The following SDCCAG8 variants were observed in gnomAD, a reference collection of about 807,000 sequenced individuals.
SDCCAG8 encodes the protein SHH signaling and ciliogenesis regulator SDCCAG8.
Under a neutral mutation model 101.8 loss-of-function variants are expected in SDCCAG8, and 74 were observed. The observed-to-expected ratio is 0.73, with a 90% CI of 0.60 to 0.88. SDCCAG8 has a LOEUF of 0.88. Among genes scored for constraint, SDCCAG8 ranks in the 40% least tolerant of loss-of-function variants. The pLI, the probability that SDCCAG8 is intolerant of heterozygous loss-of-function variation, is 0.00. For missense variants in SDCCAG8, 787 were observed against 822.6 expected (o/e 0.96, Z 0.53); for synonymous variants, 281 against 292.9 (o/e 0.96, Z 0.41).
At chr1:243,497,870 TGA>T (rs1193864632) in intron 17 of SDCCAG8, among the ~76,000 whole-genome samples, 2 of 152,104 alleles carry the variant, frequency 1.3e-5, no homozygotes, top group African/African-American at 4.8e-5. Context: ...TTTGTAGAGA[TGA>T]GGTCTCACTA....
At chr1:243,324,849 T>G (rs941327874) in intron 9 of SDCCAG8, among the ~76,000 whole-genome samples, 2 of 152,196 alleles carry the variant, frequency 1.3e-5, no homozygotes, top group Non-Finnish European at 2.9e-5. Context: ...TTCACTCTAC[T>G]CTTTCATGTC....
At chr1:243,364,085 G>A (rs1054740120) in intron 12 of SDCCAG8, among the ~76,000 whole-genome samples, 1 of 152,056 alleles carries the variant, frequency 6.6e-6, no homozygotes, top group Admixed American at 6.6e-5. Flanking sequence ...GTGAGATCAC[G>A]TACACCATGT....
chr1:243,417,242 G>GC (rs2080654330), intron 14 of SDCCAG8, among the ~76,000 whole-genome samples: 1 of 152,050 alleles, frequency 6.6e-6, no homozygotes, highest in Non-Finnish European at 1.5e-5. Flanking sequence ...TATTGTTTTT[G>GC]CCCCCACTGC....
intron 13 of SDCCAG8, among the ~76,000 whole-genome samples, chr1:243,409,419 C>T (rs2080011682): frequency 6.6e-6 from 1 of 152,140 alleles, no homozygotes; most frequent in South Asian, 2.1e-4. Flanking sequence ...CATTTATACA[C>T]TTACATGTAT....
rs2076515854 is a variant in SDCCAG8, at chr1:243,358,463, A to C, written c.1473+14132A>C. ...GTAATAAAAAAGACAGATAATAACA[A>C]GTGTCGGTGAGGATGTAGAGAAACT... On this transcript the variant is annotated intron_variant, in intron 12 of 17. Coordinates refer to ENST00000366541, the MANE Select transcript of SDCCAG8 (RefSeq NM_006642.5). Among the ~76,000 whole-genome samples the C allele has an allele frequency of 2.0e-5, 3 of 152,216 alleles. No individual in the cohort carries two copies. In the South Asian group the frequency reaches 6.2e-4, roughly 31 times the overall value.
At chr1:243,438,716 G>A (rs981934492) in intron 16 of SDCCAG8, among the ~76,000 whole-genome samples, 6 of 152,196 alleles carry the variant, frequency 3.9e-5, no homozygotes, top group Admixed American at 3.9e-4. Context: ...ACATTTCTGT[G>A]ATGTTAGCGT....
intron 12 of SDCCAG8, among the ~76,000 whole-genome samples, chr1:243,369,725 G>A (rs111385217): frequency 0.012 from 1,764 of 152,196 alleles, 32 homozygotes; most frequent in African/African-American, 0.038. Flanking sequence ...TTAACATTGT[G>A]ATTGATGGCT....
intron 13 of SDCCAG8, among the ~76,000 whole-genome samples, chr1:243,395,397 C>A (rs1377356180): frequency 6.6e-6 from 1 of 152,084 alleles, no homozygotes; most frequent in East Asian, 1.9e-4. Flanking sequence ...GGAAAAATAT[C>A]CAGAAAAGCA....
At chr1:243,308,215 A>T in intron 8 of SDCCAG8, 38 bp downstream of exon 8, 1 of 1,608,660 alleles carries the variant, frequency 6.2e-7, no homozygotes, top group Non-Finnish European at 8.5e-7. Flanking sequence ...CTTTGGCAAT[A>T]TGGAAAATTC....
chr1:243,435,739 T>C (rs1476797914), intron 16 of SDCCAG8, among the ~76,000 whole-genome samples: 2 of 81,596 alleles, frequency 2.5e-5, no homozygotes, highest in Non-Finnish European at 4.8e-5. Context: ...AACATGTGAA[T>C]GTGTGTGTGT....
intron 4 of SDCCAG8, among the ~76,000 whole-genome samples, chr1:243,281,122 A>G (rs2068997489): frequency 6.6e-6 from 1 of 152,124 alleles, no homozygotes; most frequent in Non-Finnish European, 1.5e-5. Flanking sequence ...TCATCATGTA[A>G]TGTACCTCTT....
intron 5 of SDCCAG8, among the ~76,000 whole-genome samples, chr1:243,291,772 C>T (rs1329174597): frequency 6.6e-6 from 1 of 152,194 alleles, no homozygotes; most frequent in African/African-American, 2.4e-5. Flanking sequence ...CAATTCAATT[C>T]TGACACTCAC....
intron 15 of SDCCAG8, among the ~76,000 whole-genome samples, chr1:243,421,492 C>T (rs2081002275): frequency 6.6e-6 from 1 of 152,128 alleles, no homozygotes; most frequent in African/African-American, 2.4e-5. Flanking sequence ...GACCGTAAGT[C>T]GCATTATGGC....
intron 12 of SDCCAG8, among the ~76,000 whole-genome samples, chr1:243,374,354 G>A (rs1323370388): frequency 2.0e-5 from 3 of 151,924 alleles, no homozygotes; most frequent in Admixed American, 6.6e-5. Context: ...TGAAAACTGC[G>A]CACAAGGAAT....
chr1:243,468,654 T>G (rs1388908871), intron 16 of SDCCAG8, among the ~76,000 whole-genome samples: 1 of 152,172 alleles, frequency 6.6e-6, no homozygotes, highest in African/African-American at 2.4e-5. Flanking sequence ...GCCAGTGCAC[T>G]CCAGCCTGCA....
rs774846188 is a variant in SDCCAG8, at chr1:243,403,456, C to CTA, written c.1617-12242_1617-12241dup. ...GTACTAATTAATATTTTTTAACTTACTATATGTCAGTGCTGTACTAACAGT... is the reference window on the plus strand; with the variant it reads ...GTACTAATTAATATTTTTTAACTTACTATATATGTCAGTGCTGTACTAACAGT... On this transcript the variant is annotated intron_variant, in intron 13 of 17. Coordinates refer to ENST00000366541, the MANE Select transcript of SDCCAG8 (RefSeq NM_006642.5). 1.7e-4 allele frequency among the ~76,000 whole-genome samples: 26 copies of CTA among 152,226 alleles called. No individual in the cohort carries two copies. In the Middle Eastern group the frequency reaches 0.02, roughly 119 times the overall value.
chr1:243,261,458 G>A (rs572726955), intron 1 of SDCCAG8, among the ~76,000 whole-genome samples: 6 of 152,196 alleles, frequency 3.9e-5, no homozygotes, highest in Non-Finnish European at 5.9e-5. Context: ...TTGTCTTTAC[G>A]AATTGATGTA....
chr1:243,270,341 A>C, intron 2 of SDCCAG8, 84 bp downstream of exon 2: 1 of 1,211,038 alleles, frequency 8.3e-7, no homozygotes, highest in Non-Finnish European at 1.2e-6. Context: ...TTCATTCTTC[A>C]TTCTGCTGCT....
At chr1:243,315,540 T>C (rs2149329938) in intron 8 of SDCCAG8, among the ~76,000 whole-genome samples, 1 of 152,362 alleles carries the variant, frequency 6.6e-6, no homozygotes, top group Admixed American at 6.5e-5. Context: ...AAAGGGCTTT[T>C]ATGAAACTGC....
Sources: gnomAD v4.1 joint callset for allele counts (sites outside exome capture counted in the v4.1 genomes callset) on GRCh38, gnomAD v4.1.1 for gene constraint, MANE v1.5 for transcripts, NCBI Gene and HGNC (gene_info 2026-07-23, HGNC 2026-07-21) for gene names.